The following VPS53 variants were observed in gnomAD, a reference collection of about 807,000 sequenced individuals.
VPS53 encodes vacuolar protein sorting-associated protein 53 homolog.
In VPS53, 70 loss-of-function variants were observed where a neutral mutation model predicts 107.0. The ratio of observed to expected loss-of-function variants is 0.65; its 90% CI spans 0.54 to 0.80. The LOEUF (loss-of-function observed/expected upper bound fraction) is 0.80, where lower values mean the gene tolerates loss of function less well. Ranked by LOEUF, VPS53 falls within the 30% of genes least tolerant of loss-of-function variation. The pLI is 0.00. For missense variants in VPS53, 917 were observed against 1,049.4 expected (o/e 0.87, Z 1.74); for synonymous variants, 409 against 393.3 (o/e 1.04, Z -0.47).
At chr17:560,050 T>C (rs1428946325) in intron 15 of VPS53, among the ~76,000 whole-genome samples, 1 of 152,250 alleles carries the variant, frequency 6.6e-6, no homozygotes, top group African/African-American at 2.4e-5. Context: ...CTTCTGAGCA[T>C]GGAATAACTG....
chr17:584,701 A>C (rs1967223125), intron 13 of VPS53, among the ~76,000 whole-genome samples: 3 of 152,048 alleles, frequency 2.0e-5, no homozygotes, highest in Admixed American at 2.0e-4. Flanking sequence ...TTTTAAAAAA[A>C]TTATTTATAA....
Position 510,814 on chromosome 17 carries a change from T to G in VPS53, c.*8314A>C, listed in dbSNP as rs1016336672. 2 of 152,654 alleles carry G rather than the reference T, an allele frequency of 1.3e-5. No individual in the cohort carries two copies. The highest frequency in any genetic ancestry group is 4.8e-5 in the African/African-American group (2 of 41,410). The allele number at this position is 152,654 out of a possible 1,614,324, so 9.5% of individuals were successfully genotyped here. On this transcript the variant is annotated 3_prime_UTR_variant, in exon 22 of 22. Transcript: ENST00000437048. ...CAGGGCTACCCCAACTGACCTCCACTCCCCTCAGCACCCTCCTCTGGCCTC... is the reference window on the plus strand; with the variant it reads ...CAGGGCTACCCCAACTGACCTCCACGCCCCTCAGCACCCTCCTCTGGCCTC...
chr17:663,726 C>T (rs983420843), intron 4 of VPS53, among the ~76,000 whole-genome samples: 2 of 152,218 alleles, frequency 1.3e-5, no homozygotes, highest in Non-Finnish European at 2.9e-5. Flanking sequence ...CACGAGTCAG[C>T]ATCTCCTTAA....
At chr17:678,948 T>C (rs1183189645) in intron 4 of VPS53, among the ~76,000 whole-genome samples, 1 of 152,026 alleles carries the variant, frequency 6.6e-6, no homozygotes, top group Non-Finnish European at 1.5e-5. Flanking sequence ...CCATTAAAAA[T>C]TCATTTTTAA....
At chr17:569,241 A>G (rs1038560599) in intron 13 of VPS53, among the ~76,000 whole-genome samples, 3 of 152,220 alleles carry the variant, frequency 2.0e-5, no homozygotes, top group Non-Finnish European at 4.4e-5. Flanking sequence ...CTAAAATAAC[A>G]ACGACAAATC....
At chr17:704,672 C>T (rs1597509269) in intron 2 of VPS53, among the ~76,000 whole-genome samples, 1 of 152,058 alleles carries the variant, frequency 6.6e-6, no homozygotes, top group African/African-American at 2.4e-5. Context: ...CTCTAAGAAA[C>T]GTGACTGTAC....
At chr17:687,738 A>G (rs1972640275) in intron 4 of VPS53, among the ~76,000 whole-genome samples, 1 of 152,180 alleles carries the variant, frequency 6.6e-6, no homozygotes, top group Non-Finnish European at 1.5e-5. Flanking sequence ...ACCCTGTCTC[A>G]AAAACAAATA....
chr17:584,703 T>G (rs1197836079), intron 13 of VPS53, among the ~76,000 whole-genome samples: 3 of 152,030 alleles, frequency 2.0e-5, no homozygotes, highest in African/African-American at 7.2e-5. Context: ...TTAAAAAAAT[T>G]ATTTATAAAG....
At chr17:687,399 A>C (rs916074503) in intron 4 of VPS53, among the ~76,000 whole-genome samples, 4 of 151,994 alleles carry the variant, frequency 2.6e-5, no homozygotes, top group African/African-American at 9.7e-5. Context: ...AACATGGGGA[A>C]ACCCCATCTC....
intron 2 of VPS53, among the ~76,000 whole-genome samples, chr17:708,033 G>C (rs74873880): frequency 0.098 from 14,955 of 152,064 alleles, 820 homozygotes; most frequent in East Asian, 0.21. Flanking sequence ...CTGTGCCTTG[G>C]TCCTGTGTTT....
chr17:697,381 G>C, intron 4 of VPS53, 37 bp downstream of exon 4: 1 of 1,574,500 alleles, frequency 6.4e-7, no homozygotes, highest in Non-Finnish European at 8.7e-7. Flanking sequence ...GGAGAAACCA[G>C]GGGAGCATAG....
At chr17:549,421 A>G (rs1226934068) in intron 17 of VPS53, among the ~76,000 whole-genome samples, 2 of 151,770 alleles carry the variant, frequency 1.3e-5, no homozygotes, top group African/African-American at 4.8e-5. Flanking sequence ...ATATAAACAA[A>G]GGACTCTGGA....
intron 15 of VPS53, among the ~76,000 whole-genome samples, chr17:557,469 C>G (rs756083331): frequency 5.9e-5 from 9 of 152,132 alleles, no homozygotes; most frequent in Non-Finnish European, 1.2e-4. Context: ...GTTGGGGGGA[C>G]ACTTCAACCC....
intron 10 of VPS53, among the ~76,000 whole-genome samples, chr17:624,224 C>T (rs1447290806): frequency 6.6e-6 from 1 of 152,048 alleles, no homozygotes; most frequent in Non-Finnish European, 1.5e-5. Flanking sequence ...ACATATGGAG[C>T]ACCTAATTTT....
intron 17 of VPS53, among the ~76,000 whole-genome samples, chr17:540,868 C>T (rs1425852894): frequency 6.6e-6 from 1 of 152,196 alleles, no homozygotes; most frequent in Non-Finnish European, 1.5e-5. Flanking sequence ...TGTGCTCTGA[C>T]TGACGCTCCA....
At chr17:676,487 T>C (rs1972164759) in intron 4 of VPS53, 1 of 152,238 alleles carries the variant, frequency 6.6e-6, no homozygotes, top group South Asian at 2.1e-4. Flanking sequence ...ACCTGGGTAC[T>C]AGCCAGAGCA....
At chr17:667,158 A>T (rs542191561) in intron 4 of VPS53, among the ~76,000 whole-genome samples, 133 of 152,168 alleles carry the variant, frequency 8.7e-4, no homozygotes, top group Admixed American at 2.2e-3. Context: ...TACTTAAACC[A>T]AACTCATTTG....
At chr17:598,106 C>CG (rs1205826216) in intron 12 of VPS53, among the ~76,000 whole-genome samples, 1 of 152,210 alleles carries the variant, frequency 6.6e-6, no homozygotes, top group Non-Finnish European at 1.5e-5. Flanking sequence ...CGAGTGCCTG[C>CG]GATTGCAGGC....
chr17:693,348 A>AC (rs1972839334), intron 4 of VPS53, among the ~76,000 whole-genome samples: 1 of 152,170 alleles, frequency 6.6e-6, no homozygotes, highest in South Asian at 2.1e-4. Flanking sequence ...CATAGGAAAA[A>AC]ATATGGCATA....
Sources: allele counts gnomAD v4.1 joint callset (sites outside exome capture counted in the v4.1 genomes callset), GRCh38; gene constraint gnomAD v4.1.1; transcripts MANE v1.5; gene names NCBI Gene and HGNC (gene_info 2026-07-23, HGNC 2026-07-21).